The following BCR variants were observed in gnomAD, a reference collection of about 807,000 sequenced individuals.
BCR encodes BCR activator of RhoGEF and GTPase.
Under a neutral mutation model 138.6 loss-of-function variants are expected in BCR, and 58 were observed. The ratio of observed to expected loss-of-function variants is 0.42; its 90% CI spans 0.34 to 0.52. BCR has a LOEUF of 0.52. Ranked by LOEUF, BCR falls within the 20% of genes least tolerant of loss-of-function variation. BCR has a pLI of 0.06. For synonymous variants in BCR, 786 were observed against 730.1 expected (o/e 1.08, Z -1.23); for missense variants, 1,599 against 1,727.2 (o/e 0.93, Z 1.32).
At chr22:23,307,346 C>T (rs910685807) in intron 16 of BCR, among the ~76,000 whole-genome samples, 1 of 151,962 alleles carries the variant, frequency 6.6e-6, no homozygotes, top group African/African-American at 2.4e-5. Flanking sequence ...TCAAGTGATC[C>T]TCCTGCCTCG....
In BCR at chr22:23,182,052, G is replaced by C; in HGVS notation, c.1092G>C (p.Arg364=). The change falls in exon 1 of 23, where the codon CGG becomes CGC. Residue 364 remains arginine (R), a synonymous_variant. Coordinates refer to ENST00000305877, the MANE Select transcript of BCR (RefSeq NM_004327.4). ...SPSPTTYRMF[R]DKSRSPSQNS... is the part of the protein sequence containing the mutation. ...GCCCCACCACCTACCGCATGTTCCGGGACAAAAGCCGCTCTCCCTCGCAGA... is the reference window on the plus strand; with the variant it reads ...GCCCCACCACCTACCGCATGTTCCGCGACAAAAGCCGCTCTCCCTCGCAGA... 6.2e-7 allele frequency: 1 copy of C among 1,613,672 alleles called. No homozygotes were observed. The highest frequency in any genetic ancestry group is 2.2e-5 in the East Asian group (1 of 44,886).
chr22:23,312,053 T>G (rs2074013813), intron 19 of BCR: 1 of 926,502 alleles, frequency 1.1e-6, no homozygotes, highest in Non-Finnish European at 1.5e-6. Context: ...TGCCACTTGC[T>G]GGGGTAGGCC....
At chr22:23,199,957 G>A (rs1424065308) in intron 1 of BCR, among the ~76,000 whole-genome samples, 3 of 152,030 alleles carry the variant, frequency 2.0e-5, no homozygotes, top group East Asian at 1.9e-4. Flanking sequence ...GCGTGGTGGC[G>A]GGCGCCTGTA....
intron 10 of BCR, among the ~76,000 whole-genome samples, chr22:23,285,654 G>C (rs1309926867): frequency 6.6e-6 from 1 of 152,092 alleles, no homozygotes; most frequent in Non-Finnish European, 1.5e-5. Context: ...GCATCCCCGG[G>C]GAAAACTTAA....
intron 1 of BCR, among the ~76,000 whole-genome samples, chr22:23,231,719 C>T (rs2072961180): frequency 6.6e-6 from 1 of 152,138 alleles, no homozygotes; most frequent in Admixed American, 6.5e-5. Flanking sequence ...TTCATCCTTC[C>T]CTGGATACTT....
chr22:23,263,619 C>T (rs753793308), intron 4 of BCR: 55 of 1,512,482 alleles, frequency 3.6e-5, no homozygotes, highest in Non-Finnish European at 4.8e-5. Flanking sequence ...ACGTTTGCCA[C>T]TTTGTGCTGG....
chr22:23,262,952 A>C, intron 4 of BCR: 4 of 1,015,262 alleles, frequency 3.9e-6, no homozygotes, highest in Non-Finnish European at 3.7e-6. Flanking sequence ...GCGTGGAGGA[A>C]GGGGCGAGAG....
chr22:23,290,252 G>A, intron 13 of BCR, 87 bp from the exon 14 acceptor site: 2 of 1,353,240 alleles, frequency 1.5e-6, no homozygotes, highest in Non-Finnish European at 2.1e-6. Context: ...GTGTCCACCG[G>A]ATGGTTGATT....
In BCR at chr22:23,286,877, T is replaced by C. The variant is rs189476076; in HGVS notation, c.2407-282T>C. On this transcript the variant is annotated intron_variant, in intron 10 of 22. Transcript: ENST00000305877. ...AAAGGCAGGGATGTTGGTAAAAGTT[T>C]CTTCTCTCCGCCCTTGTGAGAGGAA... 5.2e-4 allele frequency among the ~76,000 whole-genome samples: 79 copies of C among 152,322 alleles called. No homozygotes were observed. The East Asian group carries it at 0.012, about 24-fold the overall frequency.
chr22:23,210,545 T>C (rs1485948563), intron 1 of BCR, among the ~76,000 whole-genome samples: 1 of 152,230 alleles, frequency 6.6e-6, no homozygotes, highest in African/African-American at 2.4e-5. Flanking sequence ...GGTATACTGT[T>C]CTGTGAGGTG....
At chr22:23,237,496 G>A (rs1029419529) in intron 1 of BCR, among the ~76,000 whole-genome samples, 1 of 152,252 alleles carries the variant, frequency 6.6e-6, no homozygotes, top group Non-Finnish European at 1.5e-5. Context: ...CAGGTCAAGA[G>A]CTGGGTCCTC....
chr22:23,252,426 TC>T (rs1257994893), intron 1 of BCR, among the ~76,000 whole-genome samples: 3 of 113,958 alleles, frequency 2.6e-5, no homozygotes, highest in East Asian at 2.8e-4. Flanking sequence ...CTTTTTCTTT[TC>T]TTTTCTTTTT....
chr22:23,213,507 C>T (rs186941115), intron 1 of BCR, among the ~76,000 whole-genome samples: 22 of 152,296 alleles, frequency 1.4e-4, no homozygotes, highest in Non-Finnish European at 2.2e-4. Context: ...TAAGGCACAC[C>T]GTGAGTGGAT....
chr22:23,252,387 G>A (rs76005587), intron 1 of BCR, among the ~76,000 whole-genome samples: 3 of 151,816 alleles, frequency 2.0e-5, no homozygotes, highest in Non-Finnish European at 4.4e-5. Context: ...ACATCAAGAC[G>A]GTAACGGTAA....
chr22:23,304,755 G>T (rs1188195821), intron 16 of BCR, among the ~76,000 whole-genome samples: 2 of 152,178 alleles, frequency 1.3e-5, no homozygotes, highest in Non-Finnish European at 2.9e-5. Flanking sequence ...TAAGGGAGAA[G>T]GGTGTGTTCC....
rs895900606 is a variant in BCR, at chr22:23,268,491, T to C, written c.1836T>C (p.Asn612=). ...MEMAEKCCQA[N]AQFAEISENL... ...TGGCTGAGAAGTGCTGTCAGGCCAA[T>C]GCTCAGTTTGCAGAAATCTCCGAGG... Residue 612 remains asparagine, a synonymous_variant, in exon 5 of 23, where the codon AAT becomes AAC. Coordinates refer to ENST00000305877, the MANE Select transcript of BCR (RefSeq NM_004327.4). 3 of 1,613,714 alleles carry C rather than the reference T, an allele frequency of 1.9e-6. No homozygotes were observed. The highest frequency in any genetic ancestry group is 1.7e-5 in the Admixed American group (1 of 59,962).
chr22:23,195,579 C>T (rs1403985211), intron 1 of BCR, among the ~76,000 whole-genome samples: 3 of 151,006 alleles, frequency 2.0e-5, no homozygotes, highest in African/African-American at 7.3e-5. Context: ...GGTGACAGAG[C>T]GAGACTGTCT....
intron 16 of BCR, among the ~76,000 whole-genome samples, chr22:23,301,310 G>GA (rs1364613260): frequency 1.3e-5 from 2 of 152,148 alleles, no homozygotes; most frequent in African/African-American, 2.4e-5. Flanking sequence ...TCTCAAAAAA[G>GA]ACAGAAAAAA....
intron 1 of BCR, among the ~76,000 whole-genome samples, chr22:23,247,125 C>A (rs918795041): frequency 6.6e-6 from 1 of 152,128 alleles, no homozygotes; most frequent in Non-Finnish European, 1.5e-5. Context: ...TTGTAGAAGT[C>A]GCTGGCACCA....
Sources: allele counts gnomAD v4.1 joint callset (sites outside exome capture counted in the v4.1 genomes callset), GRCh38; gene constraint gnomAD v4.1.1; transcripts MANE v1.5; gene names NCBI Gene and HGNC (gene_info 2026-07-23, HGNC 2026-07-21).